TTN: variants seen among roughly 807,000 people sequenced by gnomAD.
TTN encodes connectin.
TTN carries 1,525 observed loss-of-function variants against 3,223.0 expected under a neutral mutation model. That is an observed-to-expected ratio of 0.47 (90% CI 0.45 to 0.49). The LOEUF is 0.49. Ranked by LOEUF, TTN falls within the 20% of genes least tolerant of loss-of-function variation. The pLI, the probability that TTN is intolerant of heterozygous loss-of-function variation, is 0.00. For synonymous variants in TTN, 14,094 were observed against 15,161.0 expected (o/e 0.93, Z 5.17); for missense variants, 40,786 against 43,424.0 (o/e 0.94, Z 5.40).
At chr2:178,784,393 C>G (rs763004818) in intron 15 of TTN, 42 bp from the exon 16 acceptor site, 1 of 1,608,790 alleles carries the variant, frequency 6.2e-7, no homozygotes, top group South Asian at 1.1e-5. Context: ...ATTTAACCAT[C>G]CTCCGATGGC....
At position 178,563,156 on chromosome 2, in the gene TTN, G is replaced by A. The variant is rs764624631; in HGVS notation, c.82976C>T (p.Thr27659Ile). ...CTGAGCAACCACTGAGCCAGGTAGA[G>A]TTGCAGGTTCACCTACACCTTCAGA... ...INSEGVGEPA[T>I]LPGSVVAQER... Residue 27659 changes from threonine to isoleucine, a missense_variant, in exon 326 of 363, where the codon ACT (threonine) becomes ATT (isoleucine). Thr to Ile is a moderately conservative substitution (Grantham distance 89). Coordinates refer to ENST00000589042, the MANE Select transcript of TTN (RefSeq NM_001267550.2). This position sits in a 1 kb window ranked among gnomAD's most constrained non-coding sequence, Gnocchi z 4.5. The A allele has an allele frequency of 1.2e-6, 2 of 1,613,622 alleles. No homozygotes were observed. The highest frequency in any genetic ancestry group is 1.7e-5 in the Admixed American group (1 of 59,984).
rs2154199438 is a variant in TTN, at chr2:178,611,003, G to C, written c.51126C>G (p.Val17042=). 6.2e-7 allele frequency: 1 copy of C among 1,612,174 alleles called. No individual in the cohort carries two copies. The change falls in exon 270 of 363, where the codon GTC becomes GTG. Residue 17042 remains valine (V), a synonymous_variant. Coordinates refer to ENST00000589042, the MANE Select transcript of TTN (RefSeq NM_001267550.2). ...KLGSATASIN[V]KVIGLPGPCK... is the part of the protein sequence containing the mutation. Reference sequence around the variant, plus strand: ...TCAAAGAATGATTACCTATGACTTTGACATTGATTGAGGCTGTTGCTGAGC... The same window carrying C: ...TCAAAGAATGATTACCTATGACTTTCACATTGATTGAGGCTGTTGCTGAGC...
rs1220348139 is a variant in TTN at position 178,532,995 on chromosome 2, A to G, written c.103620T>C (p.Tyr34540=). The G allele has an allele frequency of 1.2e-6, 2 of 1,613,854 alleles. No individual in the cohort carries two copies. Among genetic ancestry groups the G allele is most frequent in the Admixed American group, 3.3e-5 (2 of 60,014 alleles). The change falls in exon 358 of 363, where the codon TAT becomes TAC. Residue 34540 remains tyrosine, a synonymous_variant. Coordinates refer to ENST00000589042, the MANE Select transcript of TTN (RefSeq NM_001267550.2). The part of the protein sequence containing the change: ...KKEERKLRMP[Y]DVPEPRKYKQ... ...TATACTTGCGTGGCTCTGGTACATCATAAGGCATCCGGAGTTTTCTCTCCT... is the reference window on the plus strand; with the variant it reads ...TATACTTGCGTGGCTCTGGTACATCGTAAGGCATCCGGAGTTTTCTCTCCT...
intron 134 of TTN, 122 bp from the exon 135 acceptor site, chr2:178,683,025 C>G: frequency 9.2e-7 from 1 of 1,090,438 alleles, no homozygotes; most frequent in South Asian, 1.5e-5. Flanking sequence ...TATGGGAGAC[C>G]CTGACTGTTC....
chr2:178,572,576 G>A lies in TTN; in HGVS notation c.73556C>T (p.Thr24519Ile), dbSNP rs747442288. The change falls in exon 326 of 363, where the codon ACA becomes ATA. Residue 24519 changes from threonine to isoleucine, a missense_variant. Coordinates refer to ENST00000589042, the MANE Select transcript of TTN (RefSeq NM_001267550.2). Reference sequence around the variant, plus strand: ...CTTCAGATCCTGTGGGGGGCCTGGTGTATCGAGAACTCTAACATTGACAAA... The same window carrying A: ...CTTCAGATCCTGTGGGGGGCCTGGTATATCGAGAACTCTAACATTGACAAA... ...SAFVNVRVLDTPGPPQDLKVK... is the reference protein window; with the variant it reads ...SAFVNVRVLDIPGPPQDLKVK... The A allele has an allele frequency of 5.6e-6, 9 of 1,613,302 alleles. No individual in the cohort carries two copies. The highest frequency in any genetic ancestry group is 2.2e-5 in the East Asian group (1 of 44,774).
rs1415391814 is a variant in TTN, at chr2:178,563,989, T to G, written c.82143A>C (p.Gly27381=). 2.5e-6 allele frequency: 4 copies of G among 1,613,672 alleles called. No homozygotes were observed. The change falls in exon 326 of 363, where the codon GGA becomes GGC. Residue 27381 remains glycine (G), a synonymous_variant. Coordinates refer to ENST00000589042, the MANE Select transcript of TTN (RefSeq NM_001267550.2). This position sits in a 1 kb window ranked among gnomAD's most constrained non-coding sequence, Gnocchi z 4.5. ...GPPEGPLKVT[G]VTAEKCYLAW... The stretch of plus-strand genomic sequence containing the variant: ...CCAGGTAACATTTTTCCGCAGTAAC[T>G]CCAGTAACTTTCAGAGGCCCTTCAG...
rs758335261 is a variant in TTN, at chr2:178,721,885, A to G, written c.22778T>C (p.Val7593Ala). 6.2e-7 allele frequency: 1 copy of G among 1,612,986 alleles called. No individual in the cohort carries two copies. The highest frequency in any genetic ancestry group is 8.5e-7 in the Non-Finnish European group (1 of 1,179,310). The change falls in exon 78 of 363, where the codon GTT becomes GCT. Residue 7593 changes from valine to alanine, a missense_variant. By Grantham distance (64) the Val-to-Ala change is moderately conservative. Transcript: ENST00000589042. ...CTGAGCTGAGCACATGTCTTTGCCA[A>G]CATCATTGGTTGCTTGGCAAGTATA... Reference protein sequence around the residue: ...GQYTCQATNDVGKDMCSAQLS... With the variant: ...GQYTCQATNDAGKDMCSAQLS...
intron 330 of TTN, chr2:178,556,459 A>C (rs3731747): frequency 0.19 from 38,711 of 202,988 alleles, 3,719 homozygotes; most frequent in East Asian, 0.47. Flanking sequence ...AACAAACAAA[A>C]AAAAAAAAAC....
rs869312055 is a variant in TTN at position 178,590,794 on chromosome 2, G to A, written c.60931C>T (p.Arg20311Ter). Residue 20311 changes from arginine (R) to a stop codon, truncating the protein, a stop_gained, in exon 304 of 363, where the codon CGA (arginine) becomes TGA (stop). Transcript: ENST00000589042. LOFTEE classifies it high-confidence loss of function. ...SPITGYYMER[R>*]EVTGKWVRVN... ...CTCACCCATTTGCCAGTTACTTCTC[G>A]ACGTTCCATATAGTAGCCAGTTATT... 1 of 1,607,304 alleles carries A rather than the reference G, an allele frequency of 6.2e-7. No homozygotes were observed. The highest frequency in any genetic ancestry group is 1.7e-5 in the Admixed American group (1 of 59,820).
In TTN at chr2:178,640,627, G is replaced by T; in HGVS notation, c.40637C>A (p.Pro13546Gln). ...KLEKVKKPAV[P>Q]EPPPPKPVEE... Reference sequence around the variant, plus strand: ...AACAGGTTTTGGAGGTGGTGGTTCTGGTACTTTAAGATAAGATTATTTTTT... The same window carrying T: ...AACAGGTTTTGGAGGTGGTGGTTCTTGTACTTTAAGATAAGATTATTTTTT... Residue 13546 changes from proline to glutamine, a missense_variant, in exon 221 of 363, where the codon CCA (proline) becomes CAA (glutamine). Physicochemically the swap from Pro to Gln is moderately conservative, Grantham distance 76. Coordinates refer to ENST00000589042, the MANE Select transcript of TTN (RefSeq NM_001267550.2). 1 of 1,572,292 alleles carries T rather than the reference G, an allele frequency of 6.4e-7. No homozygotes were observed. The highest frequency in any genetic ancestry group is 8.6e-7 in the Non-Finnish European group (1 of 1,165,110).
At chr2:178,698,798 G>T in intron 112 of TTN, 45 bp downstream of exon 112, 2 of 1,512,354 alleles carry the variant, frequency 1.3e-6, no homozygotes, top group South Asian at 1.3e-5. Flanking sequence ...AAAAGTTTTG[G>T]CCAAGAAAAA....
At position 178,575,447 on chromosome 2, in the gene TTN, C is replaced by A. The variant is rs761119454; in HGVS notation, c.70685G>T (p.Ser23562Ile). The A allele has an allele frequency of 1.5e-5, 25 of 1,613,446 alleles. No individual in the cohort carries two copies. The highest frequency in any genetic ancestry group is 2.0e-5 in the Non-Finnish European group (24 of 1,179,622). The change falls in exon 326 of 363, where the codon AGC becomes ATC. Residue 23562 changes from serine (S) to isoleucine (I), a missense_variant. Ser to Ile is a moderately radical substitution (Grantham distance 142). Transcript: ENST00000589042. The surrounding 1 kb of genome is among the most constrained non-coding windows in gnomAD (Gnocchi z 4.0). ...TTCAATCACATAGCCAGTGATCTTGCTGCCACCATCGTGTTTGGGCTTAGG... is the reference window on the plus strand; with the variant it reads ...TTCAATCACATAGCCAGTGATCTTGATGCCACCATCGTGTTTGGGCTTAGG... ...AWPKPKHDGG[S>I]KITGYVIEAQ...
At position 178,783,795 on chromosome 2, in the gene TTN, T is replaced by C. The variant is rs754850965; in HGVS notation, c.2776-10A>G. The C allele has an allele frequency of 3.1e-6, 5 of 1,611,122 alleles. No individual in the cohort carries two copies. In the East Asian group the frequency reaches 8.9e-5, roughly 29 times the overall value. ...TTGCTGTTTCTGTTACCTAGATTTT[T>C]ACAAATTATATTACAAAATGCTCAT... On this transcript the variant is annotated splice_polypyrimidine_tract_variant and intron_variant, in intron 16 of 362. Coordinates refer to ENST00000589042, the MANE Select transcript of TTN (RefSeq NM_001267550.2).
Position 178,586,642 on chromosome 2 carries a change from A to G in TTN, c.64259T>C (p.Val21420Ala), listed in dbSNP as rs765213969. The G allele has an allele frequency of 6.2e-7, 1 of 1,613,014 alleles. No homozygotes were observed. Among genetic ancestry groups the G allele is most frequent in the African/African-American group, 1.3e-5 (1 of 74,822 alleles). Residue 21420 changes from valine (V) to alanine (A), a missense_variant, in exon 308 of 363, where the codon GTG becomes GCG. Physicochemically the swap from Val to Ala is moderately conservative, Grantham distance 64. Coordinates refer to ENST00000589042, the MANE Select transcript of TTN (RefSeq NM_001267550.2). The part of the protein sequence containing the change: ...QPADRWTEYS[V>A]VKDLSLVVTG... ...GACAACAAGGCTCAGATCTTTTACC[A>G]CTGAGTACTCTGTCCAGCGATCTGC...
Position 178,558,662 on chromosome 2 carries a change from A to T in TTN, c.86822-25T>A, listed in dbSNP as rs377534699. On this transcript the variant is annotated intron_variant, in intron 326 of 362. Transcript: ENST00000589042. ...TCTAAGAAAACAAAGCATCAAAAGAAAGTGAATAATTATTACAGCACTTTT... is the reference window on the plus strand; with the variant it reads ...TCTAAGAAAACAAAGCATCAAAAGATAGTGAATAATTATTACAGCACTTTT... 10 of 1,601,644 alleles carry T rather than the reference A, an allele frequency of 6.2e-6. No homozygotes were observed. In the African/African-American group the frequency reaches 1.3e-4, roughly 21 times the overall value.
At chr2:178,684,865 A>T (rs991734401) in intron 130 of TTN, 41 bp downstream of exon 130, 1 of 1,549,820 alleles carries the variant, frequency 6.5e-7, no homozygotes, top group Non-Finnish European at 8.8e-7. Context: ...ATTTAAGATT[A>T]AAAAAAGACA....
Position 178,709,575 on chromosome 2 carries a change from C to A in TTN, c.28744G>T (p.Val9582Phe), listed in dbSNP as rs537805395. 6.2e-7 allele frequency: 1 copy of A among 1,604,324 alleles called. No individual in the cohort carries two copies. Among genetic ancestry groups the A allele is most frequent in the East Asian group, 2.2e-5 (1 of 44,628 alleles). ...AGSALCTSSI[V>F]IKEPKKPPVF... ...TGTGAGGATAACTCACCTTTGATGA[C>A]GATTGAAGACGTGCACAGAGCAGAG... Residue 9582 changes from valine (V) to phenylalanine (F), a missense_variant, in exon 99 of 363, where the codon GTC becomes TTC. Transcript: ENST00000589042.
Position 178,557,398 on chromosome 2 carries a change from G to T in TTN, c.87864C>A (p.Asn29288Lys). 6.2e-7 allele frequency: 1 copy of T among 1,613,948 alleles called. No homozygotes were observed. Among genetic ancestry groups the T allele is most frequent in the South Asian group, 1.1e-5 (1 of 91,084 alleles). The change falls in exon 329 of 363, where the codon AAC becomes AAA. Residue 29288 changes from asparagine (N) to lysine (K), a missense_variant. Transcript: ENST00000589042. ...DRNSILWQKA[N>K]KLVIRTTHFK... ...AGTGAGTTGTGCGGATGACCAGTTT[G>T]TTGGCTTTTTGCCATAAAATACTGT...
chr2:178,650,707 T>G lies in TTN; in HGVS notation c.39709+44A>C, dbSNP rs373327362. On this transcript the variant is annotated intron_variant, in intron 209 of 362. Transcript: ENST00000589042. ...AGAAGAACAAAGCTTAAATTAGAAA[T>G]AGTCGCAAGTGGCAAGGTCATTAAT... 8.4e-5 allele frequency: 125 copies of G among 1,496,006 alleles called. No individual in the cohort carries two copies. In the East Asian group the frequency reaches 2.2e-3, roughly 27 times the overall value. The allele number at this position is 1,496,006 out of a possible 1,614,324, so 92.7% of individuals were successfully genotyped here.
Sources: gnomAD v4.1 joint callset for allele counts on GRCh38, gnomAD v4.1.1 for gene constraint, Gnocchi (gnomAD v3.1) non-coding constraint, MANE v1.5 for transcripts, NCBI Gene and HGNC (gene_info 2026-07-23, HGNC 2026-07-21) for gene names.